Variants in PCDH15 observed in about 807,000 individuals in gnomAD.
PCDH15 encodes the protein protocadherin-15.
Under a neutral mutation model 178.5 loss-of-function variants are expected in PCDH15, and 129 were observed. The observed-to-expected ratio is 0.72, with a 90% confidence interval of 0.63 to 0.84. PCDH15 has a LOEUF of 0.84. Among genes scored for constraint, PCDH15 ranks in the 40% least tolerant of loss-of-function variants. The probability of loss-of-function intolerance (pLI) is 0.00; values close to 1 mark genes in which losing one functional copy is unlikely to be tolerated. For missense variants in PCDH15, 2,230 were observed against 2,099.9 expected (o/e 1.06, Z -1.21); for synonymous variants, 800 against 732.0 (o/e 1.09, Z -1.50).
At chr10:54,390,760 T>G (rs1246287952) in intron 3 of PCDH15, among the ~76,000 whole-genome samples, 5 of 152,160 alleles carry the variant, frequency 3.3e-5, no homozygotes, top group Non-Finnish European at 7.4e-5. Flanking sequence ...TGTCCAAATA[T>G]AGTTACTGTA....
intron 1 of PCDH15, among the ~76,000 whole-genome samples, chr10:55,260,401 G>C (rs1842117823): frequency 6.6e-6 from 1 of 152,030 alleles, no homozygotes; most frequent in Admixed American, 6.6e-5. Flanking sequence ...CAAAAAAAGA[G>C]ATTACCTATT....
At chr10:55,280,017 C>A (rs555227752) in intron 1 of PCDH15, among the ~76,000 whole-genome samples, 1 of 152,104 alleles carries the variant, frequency 6.6e-6, no homozygotes, top group South Asian at 2.1e-4. Context: ...ATAACATAAG[C>A]AAGATGATTT....
At chr10:54,478,032 T>C (rs1229940224) in intron 3 of PCDH15, among the ~76,000 whole-genome samples, 1 of 152,164 alleles carries the variant, frequency 6.6e-6, no homozygotes, top group Non-Finnish European at 1.5e-5. Flanking sequence ...TTTATTGTCA[T>C]GTGAGATTTT....
chr10:55,547,394 A>G (rs1195019455), intron 2 of PCDH15, among the ~76,000 whole-genome samples: 1 of 152,152 alleles, frequency 6.6e-6, no homozygotes, highest in Non-Finnish European at 1.5e-5. Flanking sequence ...AAGAGAGGTA[A>G]TTGTTCTGAC....
At chr10:53,956,019 C>A (rs2087578917) in intron 23 of PCDH15, among the ~76,000 whole-genome samples, 1 of 152,130 alleles carries the variant, frequency 6.6e-6, no homozygotes. Context: ...TAAAAATATT[C>A]TACCATGAAT....
chr10:54,923,699 T>C (rs1321767071), intron 2 of PCDH15, among the ~76,000 whole-genome samples: 1 of 138,284 alleles, frequency 7.2e-6, no homozygotes, highest in Non-Finnish European at 1.7e-5. Context: ...GTCACTTTGC[T>C]AAAGAATAGC....
chr10:54,816,820 T>C (rs1952956788), intron 3 of PCDH15, among the ~76,000 whole-genome samples: 1 of 152,042 alleles, frequency 6.6e-6, no homozygotes, highest in South Asian at 2.1e-4. Context: ...AGTAATGATG[T>C]CCCTACCCAA....
chr10:55,234,696 T>C (rs541314722), intron 1 of PCDH15, among the ~76,000 whole-genome samples: 1 of 152,190 alleles, frequency 6.6e-6, no homozygotes, highest in Non-Finnish European at 1.5e-5. Flanking sequence ...TTGTTATTTC[T>C]ATTGAGATTT....
At chr10:54,040,078 AC>A in intron 18 of PCDH15, among the ~76,000 whole-genome samples, 1 of 152,176 alleles carries the variant, frequency 6.6e-6, no homozygotes, top group African/African-American at 2.4e-5. Flanking sequence ...TACAAAACAT[AC>A]ACTATGTTTC....
intron 2 of PCDH15, among the ~76,000 whole-genome samples, chr10:55,046,271 A>G (rs533273220): frequency 6.6e-6 from 1 of 152,002 alleles, no homozygotes; most frequent in Non-Finnish European, 1.5e-5. Context: ...AGCCCAAAAG[A>G]GGAGCTTCGA....
chr10:53,973,454 A>T (rs2134476640), intron 21 of PCDH15, among the ~76,000 whole-genome samples: 1 of 152,222 alleles, frequency 6.6e-6, no homozygotes, highest in South Asian at 2.1e-4. Flanking sequence ...AAAATAAATT[A>T]AAAAAACAAA....
chr10:55,446,389 A>G (rs1839317715), intron 2 of PCDH15, among the ~76,000 whole-genome samples: 1 of 152,036 alleles, frequency 6.6e-6, no homozygotes, highest in Non-Finnish European at 1.5e-5. Context: ...TAAAAAGAAA[A>G]CATTCAGAGA....
chr10:54,929,717 CT>C (rs1197866000), intron 2 of PCDH15, among the ~76,000 whole-genome samples: 1 of 152,110 alleles, frequency 6.6e-6, no homozygotes, highest in East Asian at 1.9e-4. Flanking sequence ...GAGTGTGTGG[CT>C]TTTCTGGAAA....
At chr10:53,945,126 A>G (rs1226870941) in intron 23 of PCDH15, among the ~76,000 whole-genome samples, 2 of 152,168 alleles carry the variant, frequency 1.3e-5, no homozygotes, top group Non-Finnish European at 2.9e-5. Context: ...TTTACATGTA[A>G]AACAGCTGTG....
At chr10:55,459,625 G>A (rs1332218421) in intron 2 of PCDH15, among the ~76,000 whole-genome samples, 1 of 152,060 alleles carries the variant, frequency 6.6e-6, no homozygotes, top group Non-Finnish European at 1.5e-5. Flanking sequence ...TGGTGGCCAT[G>A]AGCCTCATAA....
intron 8 of PCDH15, among the ~76,000 whole-genome samples, chr10:54,246,643 G>A (rs1458476905): frequency 2.0e-5 from 3 of 151,414 alleles, no homozygotes; most frequent in South Asian, 2.1e-4. Flanking sequence ...ATGCTCTTAC[G>A]AACACTCTTG....
chr10:54,006,935 C>T (rs758250586), intron 20 of PCDH15, among the ~76,000 whole-genome samples: 5 of 152,110 alleles, frequency 3.3e-5, no homozygotes, highest in African/African-American at 9.7e-5. Flanking sequence ...TCTAGTCTCC[C>T]GTCTTCACAG....
intron 35 of PCDH15, among the ~76,000 whole-genome samples, chr10:53,814,391 A>G (rs531057333): frequency 6.6e-6 from 1 of 152,186 alleles, no homozygotes; most frequent in Non-Finnish European, 1.5e-5. Context: ...TTCTTTACAT[A>G]AATACTTTTT....
intron 8 of PCDH15, among the ~76,000 whole-genome samples, chr10:54,297,661 T>C (rs7901045): frequency 0.72 from 110,187 of 152,030 alleles, 40,912 homozygotes; most frequent in Middle Eastern, 0.82. Flanking sequence ...CCCAGGCTAT[T>C]GGTTCTGTCC....
Sources: gnomAD v4.1 joint callset for allele counts (sites outside exome capture counted in the v4.1 genomes callset) on GRCh38, gnomAD v4.1.1 for gene constraint, MANE v1.5 for transcripts, NCBI Gene and HGNC (gene_info 2026-07-23, HGNC 2026-07-21) for gene names.